Variants in ZDHHC6 observed in about 807,000 individuals in gnomAD.
ZDHHC6 encodes the protein zDHHC palmitoyltransferase 6, also known as palmitoyltransferase ZDHHC6.
ZDHHC6 carries 32 observed loss-of-function variants against 57.8 expected under a neutral mutation model. The ratio of observed to expected loss-of-function variants is 0.55; its 90% CI spans 0.42 to 0.74. The LOEUF (loss-of-function observed/expected upper bound fraction) is 0.74, where lower values mean the gene tolerates loss of function less well. Ranked by LOEUF, ZDHHC6 falls within the 30% of genes least tolerant of loss-of-function variation. ZDHHC6 has a pLI of 0.00. For missense variants in ZDHHC6, 433 were observed against 500.7 expected, an observed-to-expected ratio of 0.86 and a Z score of 1.29; for synonymous variants, 128 against 158.0, an observed-to-expected ratio of 0.81 and a Z score of 1.42.
At chr10:112,440,467 G>C (rs533373978) in intron 5 of ZDHHC6, 67 bp downstream of exon 5, 2 of 1,494,142 alleles carry the variant, frequency 1.3e-6, no homozygotes, top group South Asian at 1.4e-5. Flanking sequence ...TACAGGCTTT[G>C]TCTCTTTCTT....
intron 4 of ZDHHC6, 86 bp downstream of exon 4, chr10:112,442,106 T>C: frequency 2.9e-6 from 4 of 1,377,656 alleles, no homozygotes; most frequent in Non-Finnish European, 3.8e-6. Context: ...AAAGCATATT[T>C]CCAAAAGGAA....
chr10:112,424,843 C>G (rs1187704733), exon 12 of ZDHHC6: 1 of 152,226 alleles, frequency 6.6e-6, no homozygotes, highest in East Asian at 1.9e-4. Context: ...CCTAACAAGC[C>G]CAGTAATTGA....
At chr10:112,447,405 A>G (rs1316354315), upstream of ZDHHC6, 2 of 1,613,740 alleles carry the variant, frequency 1.2e-6, no homozygotes, top group East Asian at 2.2e-5. Flanking sequence ...TACGAGCAGG[A>G]CTTCGCGGTG....
At position 112,434,922 on chromosome 10, in the gene ZDHHC6, T is replaced by C. The variant is rs191037594; in HGVS notation, c.736-458A>G. Among the ~76,000 whole-genome samples the C allele has an allele frequency of 3.5e-3, 527 of 152,320 alleles. 4 individuals carry two copies. Among genetic ancestry groups the C allele is most frequent in the Non-Finnish European group, 3.6e-3 (247 of 68,010 alleles). On this transcript the variant is annotated intron_variant, in intron 6 of 10. Coordinates refer to ENST00000369405, the MANE Select transcript of ZDHHC6 (RefSeq NM_022494.3). ...GGTGCACCAGAATGTAACAGTTGTA[T>C]CAGAGGGTAACAGTTATATCCTGGG...
intron 7 of ZDHHC6, 124 bp from the exon 8 acceptor site, chr10:112,433,405 G>T: frequency 1.3e-6 from 1 of 746,508 alleles, no homozygotes; most frequent in Non-Finnish European, 2.0e-6. Flanking sequence ...TCAAGTTGCT[G>T]ATAATTTAAA....
downstream of ZDHHC6, chr10:112,425,318 C>A: frequency 6.3e-7 from 1 of 1,589,390 alleles, no homozygotes; most frequent in Non-Finnish European, 8.6e-7. Context: ...AATACTGATA[C>A]TTTTATCTGT....
intron 5 of ZDHHC6, among the ~76,000 whole-genome samples, 154 bp from the exon 6 acceptor site, chr10:112,438,543 C>A (rs922346257): frequency 6.6e-6 from 1 of 151,926 alleles, no homozygotes; most frequent in Non-Finnish European, 1.5e-5. Flanking sequence ...ACCATGTCAT[C>A]CGTCTGACTC....
At chr10:112,434,945 G>A (rs560631354) in intron 6 of ZDHHC6, among the ~76,000 whole-genome samples, 16 of 152,220 alleles carry the variant, frequency 1.1e-4, no homozygotes, top group Admixed American at 1.0e-3. Context: ...GTTATATCCT[G>A]GGTGGCAGTG....
At chr10:112,447,449 G>A (rs780736147), upstream of ZDHHC6, 12 of 1,613,542 alleles carry the variant, frequency 7.4e-6, no homozygotes, top group Non-Finnish European at 1.0e-5. Flanking sequence ...GATTGCGAGG[G>A]TCCCACGACT....
chr10:112,428,303 C>T (rs924642330), downstream of ZDHHC6: 2 of 394,760 alleles, frequency 5.1e-6, no homozygotes, highest in Non-Finnish European at 8.9e-6. Flanking sequence ...AGTTCCTGCT[C>T]TACCTTACCC....
intron 5 of ZDHHC6, among the ~76,000 whole-genome samples, chr10:112,440,187 T>C (rs1400706960): frequency 6.6e-6 from 1 of 151,680 alleles, no homozygotes; most frequent in African/African-American, 2.4e-5. Context: ...TGAGAATCAA[T>C]GAATTAATCA....
chr10:112,427,401 G>C, downstream of ZDHHC6: 1 of 1,517,380 alleles, frequency 6.6e-7, no homozygotes, highest in Non-Finnish European at 8.8e-7. Context: ...TGCACTGCTT[G>C]TGAGAAAATG....
At chr10:112,426,083 G>C (rs1009249341), downstream of ZDHHC6, among the ~76,000 whole-genome samples, 1 of 58,512 alleles carries the variant, frequency 1.7e-5, no homozygotes, top group Non-Finnish European at 3.3e-5. Context: ...GTGGGAAAAT[G>C]GGATTACAGT....
At chr10:112,424,470 C>G (rs563920393) in exon 12 of ZDHHC6, 1 of 152,324 alleles carries the variant, frequency 6.6e-6, no homozygotes, top group African/African-American at 2.4e-5. Flanking sequence ...TAGTATCTTG[C>G]TAATATATTT....
At chr10:112,447,357 C>T (rs769625098), upstream of ZDHHC6, 16 of 1,611,426 alleles carry the variant, frequency 9.9e-6, no homozygotes, top group Non-Finnish European at 1.3e-5. Flanking sequence ...GCCTGGGCTA[C>T]TCGTTCCGGA....
Position 112,430,619 on chromosome 10 carries a change from A to G in ZDHHC6, c.*185T>C. ...GGTGGTAAAGAGGGGCAGGAATTCAAAGGCATATGCAGAATGGCTTCTCCA... is the reference window on the plus strand; with the variant it reads ...GGTGGTAAAGAGGGGCAGGAATTCAGAGGCATATGCAGAATGGCTTCTCCA... On this transcript the variant is annotated 3_prime_UTR_variant, in exon 11 of 11. Transcript: ENST00000369405. 2.1e-6 allele frequency: 1 copy of G among 467,030 alleles called. No individual in the cohort carries two copies. Among genetic ancestry groups the G allele is most frequent in the South Asian group, 3.7e-5 (1 of 27,124 alleles). The allele number at this position is 467,030 out of a possible 1,614,324, so 28.9% of individuals were successfully genotyped here.
At chr10:112,436,201 G>A in intron 6 of ZDHHC6, among the ~76,000 whole-genome samples, 1 of 152,248 alleles carries the variant, frequency 6.6e-6, no homozygotes, top group Admixed American at 6.5e-5. Flanking sequence ...TCCGCCAGGT[G>A]CAGTGGCTCA....
chr10:112,445,128 C>T (rs758219923), intron 2 of ZDHHC6, 42 bp downstream of exon 2: 42 of 1,578,726 alleles, frequency 2.7e-5, no homozygotes, highest in East Asian at 4.5e-5. Context: ...ACCAAATATA[C>T]GATTATCATT....
chr10:112,442,380 A>C, intron 3 of ZDHHC6, 29 bp from the exon 4 acceptor site: 4 of 1,592,422 alleles, frequency 2.5e-6, no homozygotes, highest in Non-Finnish European at 3.4e-6. Flanking sequence ...ATAAAACATG[A>C]GGCAGAAAAT....
Sources: gnomAD v4.1 joint callset for allele counts (sites outside exome capture counted in the v4.1 genomes callset) on GRCh38, gnomAD v4.1.1 for gene constraint, MANE v1.5 for transcripts, NCBI Gene and HGNC (gene_info 2026-07-23, HGNC 2026-07-21) for gene names.